The following SIGLEC1 variants were observed in gnomAD, a reference collection of about 807,000 sequenced individuals.
The protein encoded by SIGLEC1 is sialic acid binding Ig like lectin 1.
A neutral mutation model predicts 148.0 loss-of-function variants in SIGLEC1; 132 were observed. The ratio of observed to expected loss-of-function variants is 0.89; its 90% CI spans 0.77 to 1.03. The LOEUF (loss-of-function observed/expected upper bound fraction) is 1.03. Ranked by LOEUF, SIGLEC1 falls within the 50% of genes least tolerant of loss-of-function variation. The pLI is 0.00. For missense variants in SIGLEC1, 2,253 were observed against 2,271.4 expected, an observed-to-expected ratio of 0.99 and a Z score of 0.16; for synonymous variants, 945 against 969.0, an observed-to-expected ratio of 0.98 and a Z score of 0.46.
Position 3,697,084 on chromosome 20 carries a change from C to T in SIGLEC1, c.2380+1G>A, listed in dbSNP as rs2087807665. The T allele has an allele frequency of 6.2e-7, 1 of 1,609,906 alleles. No homozygotes were observed. The highest frequency in any genetic ancestry group is 2.2e-5 in the East Asian group (1 of 44,888). ...CCAGGCTGCCCATGCCAGTCACCCA[C>T]AGAGTACACTCAGGAGCACGGGAGT... On this transcript the variant is annotated splice_donor_variant, in intron 10 of 21. Transcript: ENST00000344754. LOFTEE classifies it high-confidence loss of function.
intron 3 of SIGLEC1, 140 bp downstream of exon 3, chr20:3,706,207 T>C (rs1003986346): frequency 8.9e-5 from 120 of 1,345,390 alleles, no homozygotes; most frequent in Non-Finnish European, 1.0e-4. Flanking sequence ...GAACCAGGCC[T>C]GGGCCTACGC....
Position 3,700,370 on chromosome 20 carries a change from G to A in SIGLEC1, c.1529-911C>T, listed in dbSNP as rs1237419505. 2.0e-5 allele frequency among the ~76,000 whole-genome samples: 3 copies of A among 151,332 alleles called. No homozygotes were observed. In the East Asian group the frequency reaches 5.9e-4, roughly 30 times the overall value. Reference sequence around the variant, plus strand: ...TGACCTCAGGTGATCTGCCTGCCTCGGCCTCCCAAAGTGCTGGAATTACAG... The same window carrying A: ...TGACCTCAGGTGATCTGCCTGCCTCAGCCTCCCAAAGTGCTGGAATTACAG... On this transcript the variant is annotated intron_variant, in intron 7 of 21. Coordinates refer to ENST00000344754, the MANE Select transcript of SIGLEC1 (RefSeq NM_023068.4).
rs1209948338 is a variant in SIGLEC1 at position 3,710,755 on chromosome 20, C to T, written c.-110+1715G>A. Among the ~76,000 whole-genome samples, 1 of 152,214 alleles carries T rather than the reference C, an allele frequency of 6.6e-6. No individual in the cohort carries two copies. Among genetic ancestry groups the T allele is most frequent in the South Asian group, 2.1e-4 (1 of 4,838 alleles). On this transcript the variant is annotated intron_variant, in intron 1 of 21. Transcript: ENST00000344754. The surrounding 1 kb of genome is among the most constrained non-coding windows in gnomAD (Gnocchi z 4.6). Reference sequence around the variant, plus strand: ...TGGAAGAATGGTGGGGTTCTGGACACAGCGACCCTGGAACAGGGCGCGGGG... The same window carrying T: ...TGGAAGAATGGTGGGGTTCTGGACATAGCGACCCTGGAACAGGGCGCGGGG...
At chr20:3,696,129 T>TATACACACACACACACACAC (rs11087599) in intron 11 of SIGLEC1, among the ~76,000 whole-genome samples, 4 of 142,426 alleles carry the variant, frequency 2.8e-5, no homozygotes, top group African/African-American at 1.1e-4. Context: ...ACTATATATA[T>TATACACACACACACACACAC]ACACACACAC....
At chr20:3,702,650 T>C (rs1414957212) in intron 6 of SIGLEC1, among the ~76,000 whole-genome samples, 3 of 151,976 alleles carry the variant, frequency 2.0e-5, no homozygotes, top group Admixed American at 2.0e-4. Context: ...GCATTGTGGA[T>C]ATGTAAGAGA....
chr20:3,701,480 G>A lies in SIGLEC1; in HGVS notation c.1390C>T (p.Arg464Cys), dbSNP rs200340665. Residue 464 changes from arginine to cysteine, a missense_variant, in exon 7 of 22, where the codon CGC (arginine) becomes TGC (cysteine). Coordinates refer to ENST00000344754, the MANE Select transcript of SIGLEC1 (RefSeq NM_023068.4). The stretch of plus-strand genomic sequence containing the variant: ...TTGGGACCAGAGGTACCACTGAAGC[G>A]TGGGCTGTGATCACTGTCCCCGGAG... ...STSGDSDHSP[R>C]FSGTSGPNSL... The A allele has an allele frequency of 2.8e-5, 45 of 1,614,124 alleles. No individual in the cohort carries two copies. The Middle Eastern group carries it at 6.6e-4, about 24-fold the overall frequency.
Position 3,688,334 on chromosome 20 carries a change from C to G in SIGLEC1, c.*226G>C. ...CAGAGAAGAGAGAGCGAGATCAGCT[C>G]AGTGCTCTTCAGTGTCCTCCAGGGT... On this transcript the variant is annotated 3_prime_UTR_variant, in exon 22 of 22. Coordinates refer to ENST00000344754, the MANE Select transcript of SIGLEC1 (RefSeq NM_023068.4). 1.8e-6 allele frequency: 1 copy of G among 563,816 alleles called. No homozygotes were observed. The highest frequency in any genetic ancestry group is 3.2e-6 in the Non-Finnish European group (1 of 309,992). The allele number at this position is 563,816 out of a possible 1,614,324, so 34.9% of individuals were successfully genotyped here.
chr20:3,704,293 T>C lies in SIGLEC1; in HGVS notation c.707-202A>G, dbSNP rs932338742. Among the ~76,000 whole-genome samples, 3 of 152,330 alleles carry C rather than the reference T, an allele frequency of 2.0e-5. No individual in the cohort carries two copies. The South Asian group carries it at 6.2e-4, about 32-fold the overall frequency. On this transcript the variant is annotated intron_variant, in intron 4 of 21. Coordinates refer to ENST00000344754, the MANE Select transcript of SIGLEC1 (RefSeq NM_023068.4). ...GCCCCCTGCGCCTGATGCATTCCTA[T>C]GCCCATTGAGAGCTGATCATGTGAC...
At chr20:3,688,728 G>C (rs1396327844) in intron 21 of SIGLEC1, 109 bp from the exon 22 acceptor site, 1 of 812,234 alleles carries the variant, frequency 1.2e-6, no homozygotes, top group Non-Finnish European at 1.9e-6. Context: ...AGTGTGCATG[G>C]CTGGAAGTGT....
rs1450656005 is a variant in SIGLEC1, at chr20:3,699,430, C to T, written c.1558G>A (p.Glu520Lys). ...GTCACTGCCTGTCCTTCCACCACCT[C>T]GGCTGCCGGGCTGATGAGGAGACGG... ...AARLLISPAA[E>K]VVEGQAVTLS... Residue 520 changes from glutamate to lysine, a missense_variant, in exon 8 of 22, where the codon GAG (glutamate) becomes AAG (lysine). Transcript: ENST00000344754. The T allele has an allele frequency of 4.3e-6, 7 of 1,609,782 alleles. No individual in the cohort carries two copies. Among genetic ancestry groups the T allele is most frequent in the East Asian group, 2.2e-5 (1 of 44,750 alleles).
At chr20:3,697,642 G>A (rs908412610) in intron 9 of SIGLEC1, among the ~76,000 whole-genome samples, 156 bp downstream of exon 9, 5 of 152,116 alleles carry the variant, frequency 3.3e-5, no homozygotes, top group African/African-American at 1.2e-4. Context: ...GAGATCATGG[G>A]AAGGAGCAGC....
In SIGLEC1 at chr20:3,703,411, C is replaced by T; in HGVS notation, c.1014G>A (p.Glu338=). ...TGCAGACTAGTGTCACTGTCTGGTTCTCCAGGATGGGACCTGCTGGGCTCA... is the reference window on the plus strand; with the variant it reads ...TGCAGACTAGTGTCACTGTCTGGTTTTCCAGGATGGGACCTGCTGGGCTCA... The part of the protein sequence containing the change: ...VQVSPAGPIL[E]NQTVTLVCNT... Residue 338 remains glutamate, a synonymous_variant, in exon 6 of 22, where the codon GAG becomes GAA. Transcript: ENST00000344754. 2 of 1,596,580 alleles carry T rather than the reference C, an allele frequency of 1.3e-6. No individual in the cohort carries two copies. The highest frequency in any genetic ancestry group is 1.7e-6 in the Non-Finnish European group (2 of 1,170,260).
chr20:3,710,466 C>T lies in SIGLEC1; in HGVS notation c.-110+2004G>A, dbSNP rs1237598455. ...GGCTCATCTCCAGTTCTCTAGGAAGCCCTAGGCCTCCTCCTCTTCTGGGAA... is the reference window on the plus strand; with the variant it reads ...GGCTCATCTCCAGTTCTCTAGGAAGTCCTAGGCCTCCTCCTCTTCTGGGAA... On this transcript the variant is annotated intron_variant, in intron 1 of 21. Coordinates refer to ENST00000344754, the MANE Select transcript of SIGLEC1 (RefSeq NM_023068.4). This position sits in a 1 kb window ranked among gnomAD's most constrained non-coding sequence, Gnocchi z 4.6. Among the ~76,000 whole-genome samples the T allele has an allele frequency of 6.6e-6, 1 of 152,222 alleles. No individual in the cohort carries two copies. The highest frequency in any genetic ancestry group is 1.5e-5 in the Non-Finnish European group (1 of 68,032).
intron 7 of SIGLEC1, among the ~76,000 whole-genome samples, chr20:3,699,909 C>G (rs1237614605): frequency 1.3e-5 from 2 of 151,728 alleles, no homozygotes; most frequent in African/African-American, 4.9e-5. Context: ...CTCCCAGGTT[C>G]AAGCGATTCT....
Position 3,706,418 on chromosome 20 carries a change from T to A in SIGLEC1, c.338A>T (p.Tyr113Phe). ...CTCACTGATCTCGAAGCGGAAGTTG[T>A]AGGAACCAGAGTCCTCGGGCTGCAG... is the stretch of plus-strand genomic sequence containing the variant. ...KDLQPEDSGS[Y>F]NFRFEISEVN... is the part of the protein sequence containing the mutation. The change falls in exon 3 of 22, where the codon TAC (tyrosine) becomes TTC (phenylalanine). Residue 113 changes from tyrosine to phenylalanine, a missense_variant. Transcript: ENST00000344754. The A allele has an allele frequency of 6.2e-7, 1 of 1,614,160 alleles. No homozygotes were observed.
intron 17 of SIGLEC1, 123 bp from the exon 18 acceptor site, chr20:3,691,723 G>A (rs751687025): frequency 4.7e-4 from 659 of 1,392,346 alleles, no homozygotes; most frequent in Non-Finnish European, 6.0e-4. Context: ...TTGGTATAGG[G>A]CTTTCCAAGG....
chr20:3,694,892 C>T lies in SIGLEC1; in HGVS notation c.2715G>A (p.Glu905=). 6.2e-7 allele frequency: 1 copy of T among 1,612,898 alleles called. No homozygotes were observed. Among genetic ancestry groups the T allele is most frequent in the East Asian group, 2.2e-5 (1 of 44,894 alleles). ...GGACCACAGCCTGGCCCTCTTGGAG[C>T]TCAGGTGATGGTGACACCTGGACCC... is the stretch of plus-strand genomic sequence containing the variant. ...GAWVQVSPSP[E]LQEGQAVVLS... is the part of the protein sequence containing the mutation. Residue 905 remains glutamate (E), a synonymous_variant, in exon 12 of 22, where the codon GAG becomes GAA. Coordinates refer to ENST00000344754, the MANE Select transcript of SIGLEC1 (RefSeq NM_023068.4).
chr20:3,696,513 C>G, intron 11 of SIGLEC1, 73 bp downstream of exon 11: 1 of 1,420,318 alleles, frequency 7.0e-7, no homozygotes, highest in Non-Finnish European at 9.5e-7. Flanking sequence ...TTCACAGCAC[C>G]CAGCCCAAAG....
rs1223693634 is a variant in SIGLEC1 at position 3,703,321 on chromosome 20, C to T, written c.1104G>A (p.Glu368=). Residue 368 remains glutamate, a synonymous_variant, in exon 6 of 22, where the codon GAG becomes GAA. Coordinates refer to ENST00000344754, the MANE Select transcript of SIGLEC1 (RefSeq NM_023068.4). ...GCCGGAGGGTATGGGAGTGGGCATC[C>T]TCCAGCAGGACATGGTTCTTGTACC... is the stretch of plus-strand genomic sequence containing the variant. The part of the protein sequence containing the change: ...YSWYKNHVLL[E]DAHSHTLRLH... 3 of 1,614,044 alleles carry T rather than the reference C, an allele frequency of 1.9e-6. No homozygotes were observed. The African/African-American group carries it at 4.0e-5, about 22-fold the overall frequency.
Sources: allele counts gnomAD v4.1 joint callset (sites outside exome capture counted in the v4.1 genomes callset), GRCh38; gene constraint gnomAD v4.1.1; non-coding constraint Gnocchi (gnomAD v3.1); transcripts MANE v1.5; gene names NCBI Gene and HGNC (gene_info 2026-07-23, HGNC 2026-07-21).